Variants in RAB3GAP2 observed in about 807,000 individuals in gnomAD.
RAB3GAP2 encodes the protein RAB3 GTPase activating non-catalytic protein subunit 2, also known as rab3 GTPase-activating protein non-catalytic subunit.
Under a neutral mutation model 185.3 loss-of-function variants are expected in RAB3GAP2, and 87 were observed. That is an observed-to-expected ratio of 0.47 (90% CI 0.39 to 0.56). The LOEUF (loss-of-function observed/expected upper bound fraction) is 0.56, where lower values mean the gene tolerates loss of function less well. RAB3GAP2 is among the 20% of genes least tolerant of loss of function. RAB3GAP2 has a pLI of 0.00. For missense variants in RAB3GAP2, 1,492 were observed against 1,638.2 expected, an observed-to-expected ratio of 0.91 and a Z score of 1.54; for synonymous variants, 554 against 576.1, an observed-to-expected ratio of 0.96 and a Z score of 0.55.
intron 23 of RAB3GAP2, 95 bp downstream of exon 23, chr1:220,171,794 G>C: frequency 7.0e-7 from 1 of 1,421,000 alleles, no homozygotes; most frequent in Middle Eastern, 2.4e-4. Flanking sequence ...CCCTCTCCCC[G>C]CTCCAAAAAA....
At chr1:220,268,480 C>A (rs946971957) in intron 1 of RAB3GAP2, among the ~76,000 whole-genome samples, 1 of 152,128 alleles carries the variant, frequency 6.6e-6, no homozygotes, top group Non-Finnish European at 1.5e-5. Flanking sequence ...AGTATCTTAC[C>A]CATTGTATCA....
intron 34 of RAB3GAP2, 44 bp from the exon 35 acceptor site, chr1:220,151,450 A>T (rs911322777): frequency 1.2e-6 from 2 of 1,610,652 alleles, no homozygotes; most frequent in African/African-American, 1.3e-5. Context: ...ACAACTAAAC[A>T]ATAATTGTTA....
At chr1:220,251,360 G>C (rs1163153801) in intron 1 of RAB3GAP2, among the ~76,000 whole-genome samples, 1 of 152,030 alleles carries the variant, frequency 6.6e-6, no homozygotes. Context: ...AAGCTAAAAA[G>C]GCAAAGGTTA....
intron 4 of RAB3GAP2, among the ~76,000 whole-genome samples, chr1:220,212,287 T>C (rs1659097952): frequency 6.6e-6 from 1 of 152,272 alleles, no homozygotes; most frequent in East Asian, 1.9e-4. Flanking sequence ...AAATTAGTAA[T>C]GGAGAACAGA....
chr1:220,215,116 A>G (rs955991825), intron 2 of RAB3GAP2, among the ~76,000 whole-genome samples: 2 of 151,874 alleles, frequency 1.3e-5, no homozygotes, highest in African/African-American at 4.8e-5. Flanking sequence ...AGTTCCCGAT[A>G]TGCGTGGACA....
At chr1:220,244,838 G>T (rs137942334) in intron 1 of RAB3GAP2, among the ~76,000 whole-genome samples, 332 of 152,222 alleles carry the variant, frequency 2.2e-3, no homozygotes, top group African/African-American at 7.3e-3. Context: ...ATAGATGAAA[G>T]ACTTAAATCT....
At chr1:220,199,761 G>A (rs930948783) in intron 9 of RAB3GAP2, among the ~76,000 whole-genome samples, 1 of 152,038 alleles carries the variant, frequency 6.6e-6, no homozygotes, top group African/African-American at 2.4e-5. Flanking sequence ...TAAAAATTAA[G>A]AAACCCTTAA....
intron 13 of RAB3GAP2, among the ~76,000 whole-genome samples, chr1:220,191,837 G>T (rs375747081): frequency 2.6e-5 from 4 of 151,642 alleles, no homozygotes; most frequent in African/African-American, 9.7e-5. Context: ...AAAGAGAAAA[G>T]ATTATAGATA....
chr1:220,162,203 C>G lies in RAB3GAP2; in HGVS notation c.3220G>C (p.Asp1074His). 6.4e-7 allele frequency: 1 copy of G among 1,563,030 alleles called. No homozygotes were observed. The highest frequency in any genetic ancestry group is 1.1e-5 in the South Asian group (1 of 89,978). ...KRFSAATYLM[D>H]KVGKSPKDRL... ...AATACATGAAACTACCTTACCTTAT[C>G]CATTAAGTATGTAGCAGCAGAAAAT... Residue 1074 changes from aspartate to histidine, a missense_variant, in exon 28 of 35, where the codon GAT (aspartate) becomes CAT (histidine). Physicochemically the swap from Asp to His is moderately conservative, Grantham distance 81. This residue lies in a region of RAB3GAP2 where 387 missense variants were observed against 455.3 expected (regional missense o/e 0.85). Coordinates refer to ENST00000358951, the MANE Select transcript of RAB3GAP2 (RefSeq NM_012414.4).
In RAB3GAP2 at chr1:220,189,783, TAATC is replaced by T. The variant is rs1397665828; in HGVS notation, c.1715-20_1715-17del. The T allele has an allele frequency of 4.1e-6, 6 of 1,449,594 alleles. No individual in the cohort carries two copies. The highest frequency in any genetic ancestry group is 2.5e-5 in the East Asian group (1 of 40,380). The allele number at this position is 1,449,594 out of a possible 1,614,324, so 89.8% of individuals were successfully genotyped here. ...TCAACCAAATCTATAAAGAAAAAAA[TAATC>T]AAAGTAAAATTTTAATTTTTATAAC... On this transcript the variant is annotated splice_polypyrimidine_tract_variant and intron_variant, in intron 16 of 34. Coordinates refer to ENST00000358951, the MANE Select transcript of RAB3GAP2 (RefSeq NM_012414.4).
At chr1:220,214,369 T>C (rs1456042354) in intron 2 of RAB3GAP2, among the ~76,000 whole-genome samples, 1 of 151,922 alleles carries the variant, frequency 6.6e-6, no homozygotes, top group Non-Finnish European at 1.5e-5. Flanking sequence ...CTACTAATAA[T>C]ACAAAAATTA....
chr1:220,245,751 C>A (rs920810044), intron 1 of RAB3GAP2, among the ~76,000 whole-genome samples: 18 of 152,158 alleles, frequency 1.2e-4, no homozygotes, highest in Non-Finnish European at 2.4e-4. Context: ...GTAACCTCTG[C>A]AGACTTAAAT....
At chr1:220,189,441 G>A (rs1389217162) in intron 17 of RAB3GAP2, among the ~76,000 whole-genome samples, 2 of 151,424 alleles carry the variant, frequency 1.3e-5, no homozygotes, top group Non-Finnish European at 2.9e-5. Context: ...GGCTGGTCTC[G>A]AACTACTGAC....
intron 7 of RAB3GAP2, chr1:220,208,143 A>G (rs1214547672): frequency 6.6e-6 from 1 of 152,222 alleles, no homozygotes; most frequent in Non-Finnish European, 1.5e-5. Flanking sequence ...AAATATTTAA[A>G]TGTTAGTTAT....
chr1:220,219,328 T>G (rs1428608132), intron 2 of RAB3GAP2: 2 of 152,258 alleles, frequency 1.3e-5, no homozygotes, highest in Admixed American at 1.3e-4. Flanking sequence ...AGGGATCATT[T>G]GAGTGAAATT....
At chr1:220,189,970 C>T (rs1658582740) in intron 16 of RAB3GAP2, 94 bp downstream of exon 16, 1 of 1,144,768 alleles carries the variant, frequency 8.7e-7, no homozygotes, top group African/African-American at 1.5e-5. Context: ...TAAGCTCATC[C>T]ATGCATTATT....
chr1:220,257,747 A>G (rs965666985), intron 1 of RAB3GAP2, among the ~76,000 whole-genome samples: 1 of 152,208 alleles, frequency 6.6e-6, no homozygotes, highest in Non-Finnish European at 1.5e-5. Flanking sequence ...TGAAGGAGAT[A>G]GAGGCACAAA....
At chr1:220,235,565 C>T (rs1163420262) in intron 1 of RAB3GAP2, among the ~76,000 whole-genome samples, 1 of 152,220 alleles carries the variant, frequency 6.6e-6, no homozygotes, top group Non-Finnish European at 1.5e-5. Flanking sequence ...TCAACAAACA[C>T]ATCTTTTATG....
chr1:220,162,887 T>A (rs933184047), intron 27 of RAB3GAP2, among the ~76,000 whole-genome samples: 1 of 152,122 alleles, frequency 6.6e-6, no homozygotes, highest in African/African-American at 2.4e-5. Flanking sequence ...AACTAAAGTA[T>A]GTAGTTATAT....
Sources: gnomAD v4.1 joint callset for allele counts (sites outside exome capture counted in the v4.1 genomes callset) on GRCh38, gnomAD v4.1.1 for gene constraint, gnomAD v4.1.1 regional missense constraint, MANE v1.5 for transcripts, NCBI Gene and HGNC (gene_info 2026-07-23, HGNC 2026-07-21) for gene names.